Variants in WIPF1 observed in about 807,000 individuals in gnomAD.
WIPF1 encodes WAS/WASL interacting protein family member 1.
In WIPF1, 13 loss-of-function variants were observed where a neutral mutation model predicts 35.4. That is an observed-to-expected ratio of 0.37 (90% confidence interval 0.24 to 0.58). The LOEUF (loss-of-function observed/expected upper bound fraction) is 0.58, where lower values mean the gene tolerates loss of function less well. WIPF1 is among the 20% of genes least tolerant of loss of function. The pLI is 0.74. For synonymous variants in WIPF1, 267 were observed against 266.3 expected (o/e 1.00, Z -0.02); for missense variants, 591 against 667.0 (o/e 0.89, Z 1.25).
intron 4 of WIPF1, chr2:174,574,687 A>T (rs970181099): frequency 3.4e-6 from 2 of 591,276 alleles, no homozygotes; most frequent in African/African-American, 3.7e-5. Flanking sequence ...GGCTCCCTGC[A>T]GAGACTCCTG....
At chr2:174,628,942 T>C (rs1013201134) in intron 1 of WIPF1, among the ~76,000 whole-genome samples, 3 of 152,250 alleles carry the variant, frequency 2.0e-5, no homozygotes, top group African/African-American at 7.2e-5. Flanking sequence ...TTCCTAAACT[T>C]TTCCTGAGGC....
At chr2:174,567,432 G>A (rs752556801) in intron 6 of WIPF1, among the ~76,000 whole-genome samples, 1 of 152,268 alleles carries the variant, frequency 6.6e-6, no homozygotes, top group Non-Finnish European at 1.5e-5. Flanking sequence ...GTCCCTCTTA[G>A]GAGCTGGGGG....
At chr2:174,632,652 T>TG (rs1315028414) in intron 1 of WIPF1, among the ~76,000 whole-genome samples, 1 of 138,060 alleles carries the variant, frequency 7.2e-6, no homozygotes, top group African/African-American at 2.9e-5. Context: ...GGGGTTGCAG[T>TG]GAGCCGAGAC....
intron 1 of WIPF1, among the ~76,000 whole-genome samples, chr2:174,674,511 G>C (rs1228591407): frequency 6.6e-6 from 1 of 151,826 alleles, no homozygotes; most frequent in Non-Finnish European, 1.5e-5. Flanking sequence ...GAAATCAAGT[G>C]TTTTGTTTTA....
At position 174,622,806 on chromosome 2, in the gene WIPF1, T is replaced by C. The variant is rs185636372; in HGVS notation, c.-38-37195A>G. 7.9e-5 allele frequency among the ~76,000 whole-genome samples: 12 copies of C among 152,366 alleles called. No individual in the cohort carries two copies. The East Asian group carries it at 1.9e-3, about 24-fold the overall frequency. Reference sequence around the variant, plus strand: ...TTTTTGTGGGTACACAGTCTTTGTTTTGATTTTCCAGAGGTTACAGAGCTG... The same window carrying C: ...TTTTTGTGGGTACACAGTCTTTGTTCTGATTTTCCAGAGGTTACAGAGCTG... On this transcript the variant is annotated intron_variant, in intron 1 of 8. Transcript: ENST00000272746. This position sits in a 1 kb window ranked among gnomAD's most constrained non-coding sequence, Gnocchi z 5.1.
chr2:174,603,732 T>C (rs1686075206), intron 1 of WIPF1, among the ~76,000 whole-genome samples: 1 of 151,962 alleles, frequency 6.6e-6, no homozygotes, highest in South Asian at 2.1e-4. Flanking sequence ...CCAAGATGGG[T>C]GAGAGTCAAA....
At chr2:174,593,416 G>T (rs542826002) in intron 1 of WIPF1, among the ~76,000 whole-genome samples, 2 of 152,262 alleles carry the variant, frequency 1.3e-5, no homozygotes, top group South Asian at 4.1e-4. Flanking sequence ...CAAAGACAGT[G>T]AATCCACTCC....
At chr2:174,621,250 A>C (rs1298601098) in intron 1 of WIPF1, among the ~76,000 whole-genome samples, 1 of 152,182 alleles carries the variant, frequency 6.6e-6, no homozygotes, top group East Asian at 1.9e-4. Context: ...AGAAAGAAAT[A>C]ATAAGACATA....
At chr2:174,580,656 G>A (rs191524603) in intron 3 of WIPF1, among the ~76,000 whole-genome samples, 1 of 152,324 alleles carries the variant, frequency 6.6e-6, no homozygotes, top group Admixed American at 6.5e-5. Flanking sequence ...TAGAATTCTA[G>A]TCATGGATTA....
chr2:174,617,990 C>T (rs1022621814), intron 1 of WIPF1, among the ~76,000 whole-genome samples: 1 of 152,170 alleles, frequency 6.6e-6, no homozygotes. Context: ...TGGATTTTAA[C>T]GGTAACTAAT....
intron 1 of WIPF1, among the ~76,000 whole-genome samples, chr2:174,635,525 GTTTGTTTTTTTTTTT>G (rs1687159315): frequency 7.9e-6 from 1 of 126,180 alleles, no homozygotes; most frequent in African/African-American, 3.1e-5. Context: ...GGTGCCTTCT[GTTTGTTTTTTTTTTT>G]TTTTTTTTTT....
chr2:174,562,232 A>C lies in WIPF1; in HGVS notation c.*315T>G. On this transcript the variant is annotated 3_prime_UTR_variant, in exon 8 of 8. Coordinates refer to ENST00000679041, the MANE Select transcript of WIPF1 (RefSeq NM_001375834.1). ...ACAGTCTGTAACAAATAAGCAGTGAATGTTTGAATTTGGTTGGTGGAAAGC... is the reference window on the plus strand; with the variant it reads ...ACAGTCTGTAACAAATAAGCAGTGACTGTTTGAATTTGGTTGGTGGAAAGC... 2.6e-6 allele frequency: 4 copies of C among 1,545,012 alleles called. No individual in the cohort carries two copies.
chr2:174,677,240 G>GAT (rs1026576980), intron 1 of WIPF1: 2 of 152,050 alleles, frequency 1.3e-5, no homozygotes, highest in African/African-American at 4.8e-5. Context: ...TCAGAAACAA[G>GAT]ATACTCTTCT....
rs1371417163 is a variant in WIPF1, at chr2:174,634,838, A to G, written c.-39+47936T>C. Among the ~76,000 whole-genome samples the G allele has an allele frequency of 2.0e-5, 3 of 152,180 alleles. No individual in the cohort carries two copies. The East Asian group carries it at 5.8e-4, about 29-fold the overall frequency. On this transcript the variant is annotated intron_variant, in intron 1 of 8. Transcript: ENST00000272746. ...TGACTCCAAAGGAACCTGAAGGGGGAAGGGAGAGACAGTCTTGAGCCCCAG... is the reference window on the plus strand; with the variant it reads ...TGACTCCAAAGGAACCTGAAGGGGGGAGGGAGAGACAGTCTTGAGCCCCAG...
At chr2:174,574,790 C>G in intron 4 of WIPF1, 1 of 689,058 alleles carries the variant, frequency 1.5e-6, no homozygotes, top group Non-Finnish European at 2.7e-6. Flanking sequence ...AAGATGTGCT[C>G]CATCGTGTTT....
At chr2:174,671,173 T>G (rs901310853) in intron 1 of WIPF1, among the ~76,000 whole-genome samples, 16 of 152,220 alleles carry the variant, frequency 1.1e-4, no homozygotes, top group African/African-American at 3.9e-4. Context: ...ACATAAGTTG[T>G]GAAGATTTCA....
intron 1 of WIPF1, among the ~76,000 whole-genome samples, chr2:174,612,496 T>G (rs572808339): frequency 7.2e-4 from 109 of 152,338 alleles, no homozygotes; most frequent in Non-Finnish European, 1.3e-3. Flanking sequence ...ATTAATATAC[T>G]TGCATCTGAA....
At chr2:174,663,875 G>C (rs1687833096) in intron 1 of WIPF1, among the ~76,000 whole-genome samples, 1 of 152,220 alleles carries the variant, frequency 6.6e-6, no homozygotes, top group African/African-American at 2.4e-5. Context: ...TTTCCTGCCA[G>C]AAAACATTGC....
intron 1 of WIPF1, among the ~76,000 whole-genome samples, chr2:174,646,872 C>G (rs1296991085): frequency 1.3e-5 from 2 of 152,176 alleles, no homozygotes; most frequent in Non-Finnish European, 2.9e-5. Context: ...ACCTCCGCCT[C>G]CCAAAGTGCT....
Sources: gnomAD v4.1 joint callset for allele counts (sites outside exome capture counted in the v4.1 genomes callset) on GRCh38, gnomAD v4.1.1 for gene constraint, Gnocchi (gnomAD v3.1) non-coding constraint, MANE v1.5 for transcripts, NCBI Gene and HGNC (gene_info 2026-07-23, HGNC 2026-07-21) for gene names.